Variants in COL4A6 observed in about 807,000 individuals in gnomAD.
COL4A6 encodes the protein collagen alpha-6(IV) chain.
Under a neutral mutation model 126.7 loss-of-function variants are expected in COL4A6, and 59 were observed. The ratio of observed to expected loss-of-function variants is 0.47; its 90% CI spans 0.38 to 0.58. The LOEUF (loss-of-function observed/expected upper bound fraction) is 0.58. COL4A6 is among the 20% of genes least tolerant of loss of function. The pLI, the probability that COL4A6 is intolerant of heterozygous loss-of-function variation, is 0.00. For missense variants in COL4A6, 1,285 were observed against 1,337.3 expected (o/e 0.96, Z 0.61); for synonymous variants, 547 against 496.6 (o/e 1.10, Z -1.35).
At chrX:108,291,740 T>C (rs1424507234) in intron 3 of COL4A6, among the ~76,000 whole-genome samples, 2 of 112,061 alleles carry the variant, frequency 1.8e-5, no homozygotes, top group Non-Finnish European at 3.8e-5. Context: ...AAATTGCCAG[T>C]ATTAATTTTA....
chrX:108,391,267 C>T (rs1003390389), intron 2 of COL4A6, among the ~76,000 whole-genome samples: 4 of 112,015 alleles, frequency 3.6e-5, no homozygotes, highest in Admixed American at 1.9e-4. Context: ...CAGGCAGGAA[C>T]GTTTAAGTCT....
intron 8 of COL4A6, among the ~76,000 whole-genome samples, chrX:108,208,367 G>A (rs886110084): frequency 1.8e-5 from 2 of 111,902 alleles, no homozygotes; most frequent in Non-Finnish European, 3.8e-5. Flanking sequence ...ATTATACCCA[G>A]CAACAGCTGA....
At chrX:108,196,397 G>A in intron 14 of COL4A6, 114 bp downstream of exon 14, 1 of 638,529 alleles carries the variant, frequency 1.6e-6, no homozygotes, top group Non-Finnish European at 2.5e-6. Flanking sequence ...TTGGGTTGAG[G>A]AGAAACGAGA....
Position 108,302,171 on chromosome X carries a change from C to T in COL4A6, c.144+8577G>A, listed in dbSNP as rs1250685615. 4.5e-5 allele frequency among the ~76,000 whole-genome samples: 5 copies of T among 110,573 alleles called. No individual in the cohort carries two copies. The East Asian group carries it at 1.4e-3, about 31-fold the overall frequency. ...AATCATACACATGTCCTAATCTCTC[C>T]CCCATATATTAATGATAATATATAT... is the stretch of plus-strand genomic sequence containing the variant. On this transcript the variant is annotated intron_variant, in intron 3 of 44. Transcript: ENST00000334504.
chrX:108,293,082 T>C (rs2038216796), intron 3 of COL4A6, among the ~76,000 whole-genome samples: 1 of 108,175 alleles, frequency 9.2e-6, no homozygotes. Flanking sequence ...GCCGGGACCA[T>C]TTTATCCTTG....
At chrX:108,430,668 T>C (rs2064161597) in intron 2 of COL4A6, among the ~76,000 whole-genome samples, 1 of 111,777 alleles carries the variant, frequency 8.9e-6, no homozygotes. Context: ...TATCAAAATT[T>C]GGTGAGAATT....
intron 3 of COL4A6, among the ~76,000 whole-genome samples, chrX:108,301,257 T>C (rs949878720): frequency 1.8e-5 from 2 of 112,365 alleles, no homozygotes; most frequent in Non-Finnish European, 3.8e-5. Flanking sequence ...ATTACAGCTG[T>C]GAAAACTGAC....
intron 3 of COL4A6, among the ~76,000 whole-genome samples, chrX:108,224,738 T>A (rs1161541739): frequency 8.9e-6 from 1 of 112,107 alleles, no homozygotes; most frequent in Non-Finnish European, 1.9e-5. Flanking sequence ...AGCTGTATGA[T>A]CTTTTTTCCT....
intron 2 of COL4A6, among the ~76,000 whole-genome samples, chrX:108,351,261 G>C (rs1415991772): frequency 9.0e-6 from 1 of 111,561 alleles, no homozygotes; most frequent in African/African-American, 3.3e-5. Context: ...AATGCTAACA[G>C]TGGCTATTTT....
chrX:108,406,719 C>T (rs755338978), intron 2 of COL4A6, among the ~76,000 whole-genome samples: 6 of 112,378 alleles, frequency 5.3e-5, no homozygotes, highest in Non-Finnish European at 1.1e-4. Flanking sequence ...ATCCTCACCC[C>T]TTTTCCTGGA....
At position 108,160,628 on chromosome X, in the gene COL4A6, C is replaced by T. The variant is rs772908962; in HGVS notation, c.4360G>A (p.Gly1454Arg). The T allele has an allele frequency of 1.7e-5, 21 of 1,209,181 alleles. No individual in the cohort carries two copies. The highest frequency in any genetic ancestry group is 2.0e-5 in the Non-Finnish European group (18 of 894,336). The change falls in exon 43 of 45, where the codon GGG becomes AGG. Residue 1454 changes from glycine to arginine, a missense_variant. Gly to Arg is a moderately radical substitution (Grantham distance 125). Transcript: ENST00000334504. The stretch of plus-strand genomic sequence containing the variant: ...CTCTGGCCAGGCATTCCAGGCATCC[C>T]GAAGGGGCCTTGCTGCCCTGGAGCT... ...EGAPGQQGPF[G>R]MPGMPGQSMR...
In COL4A6 at chrX:108,229,085, A is replaced by G. The variant is rs967339609; in HGVS notation, c.145-7711T>C. 9.8e-5 allele frequency among the ~76,000 whole-genome samples: 11 copies of G among 112,388 alleles called. No individual in the cohort carries two copies. In the Admixed American group the frequency reaches 1.0e-3, roughly 11 times the overall value. On this transcript the variant is annotated intron_variant, in intron 3 of 44. Coordinates refer to ENST00000334504, the MANE Select transcript of COL4A6 (RefSeq NM_033641.4). The stretch of plus-strand genomic sequence containing the variant: ...CTGGCTGGAGCAGAGGTGAGATCAC[A>G]GAGAATCAGTAAGAAAGGGCAATAG...
intron 41 of COL4A6, 24 bp from the exon 42 acceptor site, chrX:108,161,759 A>G (rs2033947799): frequency 9.3e-7 from 1 of 1,069,770 alleles, no homozygotes; most frequent in Admixed American, 2.2e-5. Flanking sequence ...AGCCCAAAGG[A>G]GGGTACTCAA....
rs946678680 is a variant in COL4A6, at chrX:108,438,261, C to T, written c.-65G>A. Reference sequence around the variant, plus strand: ...AAGCGGCTCCGCGGCCCGTGCTCATCTGGGCTCTGCTGATGCTTGGAGGCT... The same window carrying T: ...AAGCGGCTCCGCGGCCCGTGCTCATTTGGGCTCTGCTGATGCTTGGAGGCT... On this transcript the variant is annotated 5_prime_UTR_variant, in exon 1 of 45. Coordinates refer to ENST00000334504, the MANE Select transcript of COL4A6 (RefSeq NM_033641.4). 1.0e-5 allele frequency: 12 copies of T among 1,143,876 alleles called. No homozygotes were observed. Among genetic ancestry groups the T allele is most frequent in the Admixed American group, 3.0e-5 (1 of 33,553 alleles). The allele number at this position is 1,143,876 out of a possible 1,213,427, so 94.3% of individuals were successfully genotyped here.
At chrX:108,361,040 T>C (rs1488855279) in intron 2 of COL4A6, among the ~76,000 whole-genome samples, 1 of 111,172 alleles carries the variant, frequency 9.0e-6, no homozygotes, top group Admixed American at 9.6e-5. Context: ...ATGATGATAG[T>C]CTACAGGATA....
At chrX:108,322,066 G>A (rs965561459) in intron 2 of COL4A6, among the ~76,000 whole-genome samples, 12 of 111,123 alleles carry the variant, frequency 1.1e-4, no homozygotes, top group Admixed American at 1.1e-3. Context: ...ATCACCCTAC[G>A]TTTATGAACT....
intron 2 of COL4A6, among the ~76,000 whole-genome samples, chrX:108,385,048 C>T (rs760232822): frequency 2.8e-4 from 31 of 110,480 alleles, no homozygotes; most frequent in Non-Finnish European, 4.2e-4. Context: ...AGTTGGATGC[C>T]TGAAACCTCA....
chrX:108,356,217 C>T (rs963381164), intron 2 of COL4A6, among the ~76,000 whole-genome samples: 9 of 104,884 alleles, frequency 8.6e-5, no homozygotes, highest in Non-Finnish European at 1.4e-4. Flanking sequence ...TTTGTCCTTG[C>T]GATAGTTTAC....
chrX:108,216,823 T>G (rs1204824147), intron 5 of COL4A6, among the ~76,000 whole-genome samples: 1 of 112,934 alleles, frequency 8.9e-6, no homozygotes, highest in African/African-American at 3.2e-5. Context: ...GTGTGTTCAC[T>G]TTGAGGATAT....
Sources: gnomAD v4.1 joint callset for allele counts (sites outside exome capture counted in the v4.1 genomes callset) on GRCh38, gnomAD v4.1.1 for gene constraint, MANE v1.5 for transcripts, NCBI Gene and HGNC (gene_info 2026-07-23, HGNC 2026-07-21) for gene names.